Variants in CTNNA3 observed in about 807,000 individuals in gnomAD.
The protein encoded by CTNNA3 is catenin alpha-3.
Under a neutral mutation model 95.7 loss-of-function variants are expected in CTNNA3, and 76 were observed. That is an observed-to-expected ratio of 0.79 (90% CI 0.66 to 0.96). The LOEUF is 0.96. Among genes scored for constraint, CTNNA3 ranks in the 40% least tolerant of loss-of-function variants. The pLI is 0.00. For synonymous variants in CTNNA3, 431 were observed against 374.4 expected (o/e 1.15, Z -1.74); for missense variants, 1,191 against 1,089.8 (o/e 1.09, Z -1.31).
intron 7 of CTNNA3, among the ~76,000 whole-genome samples, chr10:66,791,954 GAT>G (rs1354260843): frequency 6.7e-6 from 1 of 149,688 alleles, no homozygotes; most frequent in Non-Finnish European, 1.5e-5. Flanking sequence ...TCACTGAAAA[GAT>G]ATAACATCAT....
At chr10:67,120,176 C>T (rs558399138) in intron 7 of CTNNA3, among the ~76,000 whole-genome samples, 2 of 151,884 alleles carry the variant, frequency 1.3e-5, no homozygotes, top group East Asian at 3.9e-4. Context: ...TACTGAATTC[C>T]AGTTTTTAAA....
intron 13 of CTNNA3, among the ~76,000 whole-genome samples, chr10:66,246,169 G>C (rs538008686): frequency 9.9e-4 from 151 of 152,336 alleles, no homozygotes; most frequent in Admixed American, 1.9e-3. Flanking sequence ...TCCAAGATCA[G>C]AGTGGGCACC....
In CTNNA3 at chr10:66,089,081, C is replaced by T. The variant is rs551574484; in HGVS notation, c.1977+14076G>A. On this transcript the variant is annotated intron_variant, in intron 14 of 17. Coordinates refer to ENST00000433211, the MANE Select transcript of CTNNA3 (RefSeq NM_013266.4). ...GTTTACCTTTTTTATTTTGTATTCT[C>T]AGCAGTAAAGTTCGCGCCCCTTTTC... 5.9e-5 allele frequency among the ~76,000 whole-genome samples: 9 copies of T among 152,046 alleles called. No homozygotes were observed. In the East Asian group the frequency reaches 1.2e-3, roughly 20 times the overall value.
At chr10:67,476,183 T>C (rs1848002623) in intron 5 of CTNNA3, among the ~76,000 whole-genome samples, 2 of 152,142 alleles carry the variant, frequency 1.3e-5, no homozygotes, top group South Asian at 4.1e-4. Flanking sequence ...TCACCCAGAC[T>C]GCAGCCTGAG....
At chr10:66,066,024 C>G (rs2080305762) in intron 15 of CTNNA3, among the ~76,000 whole-genome samples, 1 of 151,876 alleles carries the variant, frequency 6.6e-6, no homozygotes, top group Admixed American at 6.6e-5. Flanking sequence ...CCACCACACA[C>G]AGCTAATTTT....
intron 15 of CTNNA3, among the ~76,000 whole-genome samples, chr10:66,051,273 C>T (rs2079952316): frequency 6.6e-6 from 1 of 152,134 alleles, no homozygotes; most frequent in Non-Finnish European, 1.5e-5. Context: ...TACGTGAAGA[C>T]CATAATCCTG....
At chr10:67,033,907 G>C (rs1282201664) in intron 7 of CTNNA3, among the ~76,000 whole-genome samples, 1 of 152,056 alleles carries the variant, frequency 6.6e-6, no homozygotes, top group Admixed American at 6.6e-5. Context: ...TAATAGCTGG[G>C]ATTACAGGCT....
At chr10:66,292,726 T>C (rs1292291199) in intron 12 of CTNNA3, among the ~76,000 whole-genome samples, 1 of 152,200 alleles carries the variant, frequency 6.6e-6, no homozygotes, top group African/African-American at 2.4e-5. Context: ...TTTTGAGGCA[T>C]GAAAACCTCT....
intron 11 of CTNNA3, among the ~76,000 whole-genome samples, chr10:66,397,712 C>A (rs68011088): frequency 6.6e-6 from 1 of 151,632 alleles, no homozygotes; most frequent in African/African-American, 2.4e-5. Context: ...ATGATAAATG[C>A]CATAATGTAC....
intron 1 of CTNNA3, among the ~76,000 whole-genome samples, chr10:67,705,464 TCATGTCC>T (rs1312256090): frequency 6.7e-6 from 1 of 149,836 alleles, no homozygotes; most frequent in African/African-American, 2.5e-5. Flanking sequence ...AATGATGAGT[TCATGTCC>T]TTTGTAGGGA....
At chr10:66,775,163 G>A (rs958838034) in intron 8 of CTNNA3, among the ~76,000 whole-genome samples, 1 of 152,094 alleles carries the variant, frequency 6.6e-6, no homozygotes, top group African/African-American at 2.4e-5. Context: ...AAGCAGCTCA[G>A]AGAGCTGAAA....
chr10:66,543,535 AC>A (rs1357102954), intron 10 of CTNNA3, among the ~76,000 whole-genome samples: 9 of 152,164 alleles, frequency 5.9e-5, no homozygotes, highest in Non-Finnish European at 1.2e-4. Flanking sequence ...AGAGACAACT[AC>A]CTACACAGAA....
At chr10:66,835,998 A>G (rs537571803) in intron 7 of CTNNA3, among the ~76,000 whole-genome samples, 1 of 152,232 alleles carries the variant, frequency 6.6e-6, no homozygotes, top group East Asian at 1.9e-4. Context: ...GAAAAAAAAA[A>G]CAATTAAATT....
At chr10:66,111,513 G>C (rs774911724) in intron 13 of CTNNA3, among the ~76,000 whole-genome samples, 10 of 152,188 alleles carry the variant, frequency 6.6e-5, no homozygotes, top group Non-Finnish European at 1.5e-4. Flanking sequence ...ATGAAACATT[G>C]TCATGCACGG....
At chr10:67,036,070 C>T (rs1015813039) in intron 7 of CTNNA3, among the ~76,000 whole-genome samples, 1 of 152,110 alleles carries the variant, frequency 6.6e-6, no homozygotes, top group Admixed American at 6.6e-5. Flanking sequence ...TTAGGCATGA[C>T]CTTATTTCTA....
chr10:66,618,850 A>C (rs1053527071), intron 10 of CTNNA3, among the ~76,000 whole-genome samples: 3 of 152,186 alleles, frequency 2.0e-5, no homozygotes, highest in East Asian at 1.9e-4. Flanking sequence ...CAATGAACTC[A>C]AACACATTTA....
chr10:66,893,113 G>A (rs531429533), intron 7 of CTNNA3, among the ~76,000 whole-genome samples: 20 of 152,084 alleles, frequency 1.3e-4, no homozygotes, highest in Non-Finnish European at 2.5e-4. Context: ...CTTAGCTCAC[G>A]AAGCCATGGC....
intron 7 of CTNNA3, among the ~76,000 whole-genome samples, chr10:67,087,565 T>A (rs1255073894): frequency 6.6e-6 from 1 of 151,798 alleles, no homozygotes; most frequent in Admixed American, 6.6e-5. Context: ...TAAATAAAAA[T>A]AATAAAGGAT....
At chr10:66,360,898 T>TCTCTCTCTCTCTC (rs1491134654) in intron 12 of CTNNA3, among the ~76,000 whole-genome samples, 2 of 109,326 alleles carry the variant, frequency 1.8e-5, no homozygotes, top group Non-Finnish European at 4.3e-5. Flanking sequence ...TCTTTATTTC[T>TCTCTCTCTCTCTC]TTCTCTCTCT....
Sources: allele counts gnomAD v4.1 joint callset (sites outside exome capture counted in the v4.1 genomes callset), GRCh38; gene constraint gnomAD v4.1.1; transcripts MANE v1.5; gene names NCBI Gene and HGNC (gene_info 2026-07-23, HGNC 2026-07-21).